The following KPNA7 variants were observed in gnomAD, a reference collection of about 807,000 sequenced individuals.
The protein encoded by KPNA7 is karyopherin subunit alpha 7.
A neutral mutation model predicts 53.7 loss-of-function variants in KPNA7; 54 were observed. The ratio of observed to expected loss-of-function variants is 1.01; its 90% CI spans 0.81 to 1.26. KPNA7 has a LOEUF of 1.26. KPNA7 is among the 50% of genes most tolerant of loss of function. The pLI, the probability that KPNA7 is intolerant of heterozygous loss-of-function variation, is 0.00. For missense variants in KPNA7, 640 were observed against 644.5 expected, an observed-to-expected ratio of 0.99 and a Z score of 0.07; for synonymous variants, 276 against 259.3, an observed-to-expected ratio of 1.06 and a Z score of -0.62.
upstream of KPNA7, among the ~76,000 whole-genome samples, chr7:99,208,610 G>A (rs868027668): frequency 6.6e-6 from 1 of 151,510 alleles, no homozygotes; most frequent in Admixed American, 6.6e-5. Flanking sequence ...TTTTCACCAC[G>A]TTGGCCAGGC....
chr7:99,199,341 C>T (rs545460554), intron 3 of KPNA7, among the ~76,000 whole-genome samples: 6 of 152,154 alleles, frequency 3.9e-5, no homozygotes, highest in East Asian at 3.9e-4. Context: ...TTCCCAATTT[C>T]GAAACTTACC....
At chr7:99,163,359 G>GTGTGTATATATATATATATATA in the KPNA7 span, among the ~76,000 whole-genome samples, 2 of 66,420 alleles carry the variant, frequency 3.0e-5, no homozygotes, top group African/African-American at 1.2e-4. Context: ...ATGAGTGTGT[G>GTGTGTATATATATATATATATA]TATATATATA....
At chr7:99,176,738 G>T (rs77280102) in intron 10 of KPNA7, among the ~76,000 whole-genome samples, 1,742 of 152,092 alleles carry the variant, frequency 0.011, 36 homozygotes, top group African/African-American at 0.04. Flanking sequence ...TTAGCTGCCG[G>T]CATGGTGGTG....
At chr7:99,209,339 C>G (rs150113491), upstream of KPNA7, among the ~76,000 whole-genome samples, 26 of 152,154 alleles carry the variant, frequency 1.7e-4, 1 homozygote, top group East Asian at 5.0e-3. Context: ...ACTGCCTCCA[C>G]CCCAGTCCAG....
chr7:99,185,275 T>C, intron 7 of KPNA7, 113 bp from the exon 8 acceptor site: 2 of 716,560 alleles, frequency 2.8e-6, no homozygotes, highest in Admixed American at 5.3e-5. Flanking sequence ...CCGATGGTTG[T>C]CTGACAGCCT....
chr7:99,171,760 A>T (rs1273108985), downstream of KPNA7, among the ~76,000 whole-genome samples: 1 of 152,166 alleles, frequency 6.6e-6, no homozygotes, highest in African/African-American at 2.4e-5. Flanking sequence ...TGTCCCTAAA[A>T]TAAAGGGGAA....
the KPNA7 span, among the ~76,000 whole-genome samples, chr7:99,152,499 G>A: frequency 6.6e-6 from 1 of 152,138 alleles, no homozygotes; most frequent in African/African-American, 2.4e-5. Context: ...AGTGTTTGGC[G>A]GGTTCACCAG....
the KPNA7 span, among the ~76,000 whole-genome samples, chr7:99,167,158 C>T: frequency 1.3e-5 from 2 of 152,208 alleles, no homozygotes; most frequent in South Asian, 2.1e-4. Context: ...GCCTGCTGTT[C>T]ACACACCTGG....
chr7:99,149,593 G>A, the KPNA7 span, among the ~76,000 whole-genome samples: 1 of 152,206 alleles, frequency 6.6e-6, no homozygotes. Flanking sequence ...TTCTTATCCT[G>A]AGAAAATCTG....
intron 1 of KPNA7, among the ~76,000 whole-genome samples, chr7:99,218,168 T>C (rs929191584): frequency 1.3e-5 from 2 of 152,100 alleles, no homozygotes; most frequent in African/African-American, 4.8e-5. Context: ...CCTGGCTAAT[T>C]TTTTTATTTT....
At chr7:99,210,960 C>T (rs540553249), upstream of KPNA7, among the ~76,000 whole-genome samples, 62 of 151,706 alleles carry the variant, frequency 4.1e-4, no homozygotes, top group East Asian at 2.1e-3. Context: ...TCTGACCATA[C>T]GAGATGGTCC....
chr7:99,166,282 C>T, the KPNA7 span, among the ~76,000 whole-genome samples: 1 of 152,110 alleles, frequency 6.6e-6, no homozygotes, highest in Non-Finnish European at 1.5e-5. Flanking sequence ...CTATCCATGA[C>T]CACACTGCCT....
the KPNA7 span, among the ~76,000 whole-genome samples, chr7:99,162,390 A>G: frequency 1.3e-5 from 2 of 152,136 alleles, no homozygotes; most frequent in Admixed American, 1.3e-4. Flanking sequence ...GGCAAATGCA[A>G]AAGGTCAAAG....
chr7:99,189,344 C>A (rs764144316), intron 6 of KPNA7, among the ~76,000 whole-genome samples: 1 of 151,986 alleles, frequency 6.6e-6, no homozygotes, highest in Non-Finnish European at 1.5e-5. Context: ...CCAGTCTGGA[C>A]TTCAACTCCT....
the KPNA7 span, among the ~76,000 whole-genome samples, chr7:99,164,594 T>C: frequency 6.6e-6 from 1 of 151,218 alleles, no homozygotes; most frequent in Non-Finnish European, 1.5e-5. Context: ...GTAACTAACC[T>C]GCACATTGTG....
chr7:99,188,405 C>CAGT lies in KPNA7; in HGVS notation c.792_794dup (p.Leu265dup). 10 of 1,551,618 alleles carry CAGT rather than the reference C, an allele frequency of 6.4e-6. No homozygotes were observed. Among genetic ancestry groups the CAGT allele is most frequent in the Non-Finnish European group, 8.7e-6 (10 of 1,146,996 alleles). On this transcript the variant is annotated inframe_insertion, in exon 7 of 11. Transcript: ENST00000327442. ...TGTTGGAGCCGTCGGTGAGGTAGGA[C>CAGT]AGTGCCCAGCAGGCATCCGAGAGAA...
intron 3 of KPNA7, among the ~76,000 whole-genome samples, chr7:99,200,085 T>C (rs1790434282): frequency 6.6e-6 from 1 of 152,302 alleles, no homozygotes; most frequent in Non-Finnish European, 1.5e-5. Context: ...ATGTTTTTAG[T>C]AGAGACAGGG....
At chr7:99,167,080 G>C in the KPNA7 span, among the ~76,000 whole-genome samples, 21 of 152,288 alleles carry the variant, frequency 1.4e-4, no homozygotes, top group East Asian at 2.3e-3. Context: ...AGCTTACAAG[G>C]CTCCCTGATA....
chr7:99,158,619 T>G, the KPNA7 span, among the ~76,000 whole-genome samples: 41 of 152,160 alleles, frequency 2.7e-4, no homozygotes, highest in African/African-American at 8.9e-4. Flanking sequence ...TTCTCATGCC[T>G]CACCCTCCTG....
Sources: gnomAD v4.1 joint callset for allele counts (sites outside exome capture counted in the v4.1 genomes callset) on GRCh38, gnomAD v4.1.1 for gene constraint, MANE v1.5 for transcripts, NCBI Gene and HGNC (gene_info 2026-07-23, HGNC 2026-07-21) for gene names.